Variants in PARVA observed in about 807,000 individuals in gnomAD.
PARVA encodes parvin alpha.
In PARVA, 25 loss-of-function variants were observed where a neutral mutation model predicts 52.6. The observed-to-expected ratio is 0.48, with a 90% confidence interval of 0.35 to 0.66. The LOEUF (loss-of-function observed/expected upper bound fraction) is 0.66. Ranked by LOEUF, PARVA falls within the 30% of genes least tolerant of loss-of-function variation. PARVA has a pLI of 0.01. For synonymous variants in PARVA, 185 were observed against 179.1 expected, an observed-to-expected ratio of 1.03 and a Z score of -0.26; for missense variants, 373 against 450.9, an observed-to-expected ratio of 0.83 and a Z score of 1.56.
intron 1 of PARVA, among the ~76,000 whole-genome samples, chr11:12,460,868 A>G (rs557293743): frequency 1.1e-3 from 172 of 152,344 alleles, no homozygotes; most frequent in African/African-American, 4.0e-3. Context: ...ACAAGGCTTC[A>G]CCAGGTGCCT....
At chr11:12,379,335 A>G (rs2134939053) in intron 1 of PARVA, among the ~76,000 whole-genome samples, 1 of 152,184 alleles carries the variant, frequency 6.6e-6, no homozygotes, top group Middle Eastern at 3.4e-3. Flanking sequence ...GCCTTGTTTT[A>G]CCTGGCCCCA....
intron 1 of PARVA, among the ~76,000 whole-genome samples, chr11:12,450,349 C>CAGACA (rs1940606125): frequency 6.6e-6 from 1 of 152,152 alleles, no homozygotes. Context: ...TTGTGTATTT[C>CAGACA]TTAGATTAAT....
chr11:12,522,421 C>CTTTTTTTTTTTTTTTTTT, intron 12 of PARVA, among the ~76,000 whole-genome samples: 1 of 134,634 alleles, frequency 7.4e-6, no homozygotes, highest in Non-Finnish European at 1.5e-5. Flanking sequence ...GAGCTTTATT[C>CTTTTTTTTTTTTTTTTTT]TTTTTTTTTT....
intron 1 of PARVA, among the ~76,000 whole-genome samples, chr11:12,448,003 T>G (rs1421681900): frequency 6.6e-6 from 1 of 152,202 alleles, no homozygotes; most frequent in Non-Finnish European, 1.5e-5. Context: ...TGGTACAAAA[T>G]AAACCTTCAG....
intron 4 of PARVA, among the ~76,000 whole-genome samples, chr11:12,490,799 C>T (rs911297852): frequency 2.6e-5 from 4 of 152,044 alleles, no homozygotes; most frequent in Non-Finnish European, 5.9e-5. Context: ...GCACATAAAT[C>T]AGGAATTATG....
intron 1 of PARVA, among the ~76,000 whole-genome samples, chr11:12,383,956 A>T (rs1419535413): frequency 1.3e-5 from 2 of 152,124 alleles, no homozygotes; most frequent in Non-Finnish European, 2.9e-5. Context: ...GGATTTTCAG[A>T]TAGAAAATTG....
chr11:12,491,294 A>G (rs547274572), intron 4 of PARVA, among the ~76,000 whole-genome samples: 2 of 152,248 alleles, frequency 1.3e-5, no homozygotes, highest in African/African-American at 4.8e-5. Flanking sequence ...CCCCCCAGGT[A>G]GTTAGGACTA....
upstream of PARVA, chr11:12,376,690 GAGAC>G (rs1378014748): frequency 2.1e-6 from 2 of 974,912 alleles, no homozygotes; most frequent in Admixed American, 6.1e-5. Flanking sequence ...CTGTGTGTGA[GAGAC>G]AGACAGAAGG....
At chr11:12,497,710 C>T (rs1941315327) in intron 5 of PARVA, among the ~76,000 whole-genome samples, 2 of 152,094 alleles carry the variant, frequency 1.3e-5, no homozygotes, top group African/African-American at 4.8e-5. Context: ...GTGCCCTGGG[C>T]CCTAGATGCT....
intron 1 of PARVA, among the ~76,000 whole-genome samples, chr11:12,432,803 G>T (rs964022020): frequency 6.6e-6 from 1 of 152,168 alleles, no homozygotes; most frequent in African/African-American, 2.4e-5. Context: ...TTGAAGCCAG[G>T]CATAGCCATT....
chr11:12,390,332 C>G (rs1020006917), intron 1 of PARVA, among the ~76,000 whole-genome samples: 1 of 152,160 alleles, frequency 6.6e-6, no homozygotes, highest in Admixed American at 6.5e-5. Flanking sequence ...CAGGAGGGGT[C>G]TGTAGTTCTA....
rs1335951549 is a variant in PARVA at position 12,377,627 on chromosome 11, C to T, written c.-21C>T. ...CGCCAGCTCCGCGTCCCGACCGGCC[C>T]GCGGCAGCCTGCGCCGCGCCATGGC... On this transcript the variant is annotated 5_prime_UTR_variant, in exon 1 of 13. Coordinates refer to ENST00000334956, the MANE Select transcript of PARVA (RefSeq NM_018222.5). 2 of 1,563,786 alleles carry T rather than the reference C, an allele frequency of 1.3e-6. No homozygotes were observed. Among genetic ancestry groups the T allele is most frequent in the Non-Finnish European group, 1.7e-6 (2 of 1,161,158 alleles).
intron 1 of PARVA, among the ~76,000 whole-genome samples, chr11:12,422,918 C>A (rs1019539570): frequency 6.6e-6 from 1 of 152,090 alleles, no homozygotes; most frequent in African/African-American, 2.4e-5. Context: ...TGTAGTGGCA[C>A]AATCTCAGCT....
chr11:12,459,683 A>G (rs566063080), intron 1 of PARVA, among the ~76,000 whole-genome samples: 1 of 152,350 alleles, frequency 6.6e-6, no homozygotes, highest in East Asian at 1.9e-4. Flanking sequence ...TTTTTATGGC[A>G]TATAGAAATA....
intron 1 of PARVA, among the ~76,000 whole-genome samples, chr11:12,427,048 T>G (rs771158473): frequency 2.6e-5 from 4 of 151,894 alleles, no homozygotes; most frequent in African/African-American, 4.8e-5. Context: ...AGTAGTAAGC[T>G]AAAGCAAACA....
At chr11:12,430,672 C>A (rs10734198) in intron 1 of PARVA, among the ~76,000 whole-genome samples, 147,463 of 152,236 alleles carry the variant, frequency 0.97, 71,593 homozygotes, top group South Asian at 1. Flanking sequence ...TCCATCTCAC[C>A]CTTATTTTCC....
Position 12,516,277 on chromosome 11 carries a change from C to T in PARVA, c.868-1333C>T, listed in dbSNP as rs549238465. 7.9e-5 allele frequency among the ~76,000 whole-genome samples: 12 copies of T among 152,330 alleles called. No individual in the cohort carries two copies. The South Asian group carries it at 2.3e-3, about 29-fold the overall frequency. On this transcript the variant is annotated intron_variant, in intron 10 of 12. Transcript: ENST00000334956. ...CTAAGGTGATTCCAAGAAATGTGGC[C>T]TTCTCTAAACCCCAGCAGCTATATA...
At chr11:12,453,730 T>C (rs10765950) in intron 1 of PARVA, among the ~76,000 whole-genome samples, 103,447 of 152,068 alleles carry the variant, frequency 0.68, 35,389 homozygotes, top group South Asian at 0.85. Context: ...TGAGCTGAAA[T>C]GCCTCCCTGT....
At chr11:12,514,275 C>G (rs1941541572) in intron 10 of PARVA, among the ~76,000 whole-genome samples, 1 of 152,198 alleles carries the variant, frequency 6.6e-6, no homozygotes, top group African/African-American at 2.4e-5. Flanking sequence ...CTCATATACC[C>G]TTCACTGGGA....
Sources: allele counts gnomAD v4.1 joint callset (sites outside exome capture counted in the v4.1 genomes callset), GRCh38; gene constraint gnomAD v4.1.1; transcripts MANE v1.5; gene names NCBI Gene and HGNC (gene_info 2026-07-23, HGNC 2026-07-21).